Variants in ENTPD1 observed in about 807,000 individuals in gnomAD.
ENTPD1 encodes the protein ectonucleoside triphosphate diphosphohydrolase 1, also known as ATP diphosphohydrolase.
In ENTPD1, 33 loss-of-function variants were observed where a neutral mutation model predicts 57.0. That is an observed-to-expected ratio of 0.58 (90% CI 0.44 to 0.77). The LOEUF is 0.77. Ranked by LOEUF, ENTPD1 falls within the 30% of genes least tolerant of loss-of-function variation. The probability of loss-of-function intolerance (pLI) is 0.00; values close to 1 mark genes in which losing one functional copy is unlikely to be tolerated. For missense variants in ENTPD1, 501 were observed against 603.4 expected, an observed-to-expected ratio of 0.83 and a Z score of 1.78; for synonymous variants, 202 against 218.8, an observed-to-expected ratio of 0.92 and a Z score of 0.68.
chr10:95,844,965 TTC>T, intron 5 of ENTPD1: 2 of 460,588 alleles, frequency 4.3e-6, no homozygotes, highest in Non-Finnish European at 8.0e-6. Context: ...TTTTCATGTT[TTC>T]TCTGATTTTA....
At chr10:95,860,041 C>CA (rs1461838148) in intron 7 of ENTPD1, among the ~76,000 whole-genome samples, 1 of 151,774 alleles carries the variant, frequency 6.6e-6, no homozygotes, top group African/African-American at 2.4e-5. Context: ...AGAAAATAGG[C>CA]AAAAAATAAG....
At chr10:95,748,084 C>A (rs181771395) in intron 1 of ENTPD1, among the ~76,000 whole-genome samples, 16 of 152,054 alleles carry the variant, frequency 1.1e-4, no homozygotes, top group African/African-American at 1.7e-4. Flanking sequence ...TGTGTTAGCC[C>A]GGGTGGCCTT....
At position 95,871,318 on chromosome 10, in the gene ENTPD1, C is replaced by T. The variant is rs1015768138; in HGVS notation, c.*4935C>T. 1 of 985,170 alleles carries T rather than the reference C, an allele frequency of 1.0e-6. No homozygotes were observed. The highest frequency in any genetic ancestry group is 6.1e-5 in the Admixed American group (1 of 16,276). 61.0% of individuals were successfully genotyped at this position (985,170 alleles called of 1,614,324 possible). On this transcript the variant is annotated 3_prime_UTR_variant, in exon 10 of 10. Coordinates refer to ENST00000371205, the MANE Select transcript of ENTPD1 (RefSeq NM_001776.6). ...GTTTATCTCACCAAAGAAATATTAT[C>T]TTTAAAAAATGTCATTACTTCTAAG...
chr10:95,869,803 A>T lies in ENTPD1; in HGVS notation c.*3420A>T. The T allele has an allele frequency of 8.5e-6, 6 of 704,422 alleles. No individual in the cohort carries two copies. The highest frequency in any genetic ancestry group is 1.0e-5 in the Non-Finnish European group (6 of 573,610). 43.6% of individuals were successfully genotyped at this position (704,422 alleles called of 1,614,324 possible). ...AGAAAGCAACTAAATCCAAAATACT[A>T]TCAAGGAATCAATATAAAAATTGTT... is the stretch of plus-strand genomic sequence containing the variant. On this transcript the variant is annotated 3_prime_UTR_variant, in exon 10 of 10. Coordinates refer to ENST00000371205, the MANE Select transcript of ENTPD1 (RefSeq NM_001776.6).
At chr10:95,698,672 A>G in the ENTPD1 span, among the ~76,000 whole-genome samples, 2 of 152,202 alleles carry the variant, frequency 1.3e-5, no homozygotes, top group East Asian at 3.8e-4. Context: ...GGGCCACCTC[A>G]AGGGAGTCCC....
In ENTPD1 at chr10:95,866,257, C is replaced by G; in HGVS notation, c.1407C>G (p.Ser469=). 2.5e-6 allele frequency: 4 copies of G among 1,614,174 alleles called. No individual in the cohort carries two copies. In the South Asian group the frequency reaches 4.4e-5, roughly 18 times the overall value. Residue 469 remains serine (S), a synonymous_variant, in exon 10 of 10, where the codon TCC becomes TCG. Coordinates refer to ENST00000371205, the MANE Select transcript of ENTPD1 (RefSeq NM_001776.6). ...TNMIPAEQPL[S]TPLSHSTYVF... ...TGATCCCAGCTGAGCAACCATTGTC[C>G]ACACCTCTCTCCCACTCCACCTATG...
rs2098059406 is a variant in ENTPD1, at chr10:95,761,058, C to T, written c.16+4803C>T. Among the ~76,000 whole-genome samples, 3 of 151,988 alleles carry T rather than the reference C, an allele frequency of 2.0e-5. No homozygotes were observed. In the South Asian group the frequency reaches 6.2e-4, roughly 32 times the overall value. ...TGTTAGCCAGGATGGTCTCGATCTCCTGACCTCATGATCCGCCCGTCTCGG... is the reference window on the plus strand; with the variant it reads ...TGTTAGCCAGGATGGTCTCGATCTCTTGACCTCATGATCCGCCCGTCTCGG... On this transcript the variant is annotated intron_variant, in intron 1 of 9. Transcript: ENST00000371205.
At chr10:95,696,464 G>C in the ENTPD1 span, among the ~76,000 whole-genome samples, 1 of 152,122 alleles carries the variant, frequency 6.6e-6, no homozygotes, top group Non-Finnish European at 1.5e-5. Context: ...ATTTGTAGTA[G>C]AGACGGAGTT....
Position 95,713,033 on chromosome 10 carries a change from T to TTAAAA in ENTPD1, c.37+1040_37+1041insTAAAA, listed in dbSNP as rs1555272408. Among the ~76,000 whole-genome samples, 152 of 143,034 alleles carry TTAAAA rather than the reference T, an allele frequency of 1.1e-3. 9 individuals are homozygous for TTAAAA. The highest frequency in any genetic ancestry group is 1.7e-3 in the Non-Finnish European group (111 of 66,126). The allele number at this position is 143,034 out of a possible 152,430, so 93.8% of individuals were successfully genotyped here. A position where few individuals can be genotyped will look rare whatever the true frequency, so the allele number is the denominator to read the frequency against. On this transcript the variant is annotated intron_variant, in intron 1 of 9. Transcript: ENST00000453258. Reference sequence around the variant, plus strand: ...TGGGCGACAGAGCGAGATTCTGTCTTAAAAAAAAAAAAAAAAAAATAGGCT... The same window carrying TTAAAA: ...TGGGCGACAGAGCGAGATTCTGTCTTTAAAAAAAAAAAAAAAAAAAAAAATAGGCT...
chr10:95,742,359 T>G (rs950274633), intron 1 of ENTPD1, among the ~76,000 whole-genome samples: 2 of 152,042 alleles, frequency 1.3e-5, no homozygotes, highest in African/African-American at 4.8e-5. Flanking sequence ...CTAGGCCTTT[T>G]CCTTCCTTTT....
intron 1 of ENTPD1, among the ~76,000 whole-genome samples, chr10:95,720,854 C>A (rs931390677): frequency 2.8e-4 from 43 of 152,170 alleles, no homozygotes; most frequent in Non-Finnish European, 1.5e-4. Context: ...ATTTGCTCAG[C>A]CTTTCTGTGT....
At chr10:95,764,652 T>C (rs558661289) in intron 1 of ENTPD1, among the ~76,000 whole-genome samples, 1 of 152,276 alleles carries the variant, frequency 6.6e-6, no homozygotes, top group Non-Finnish European at 1.5e-5. Flanking sequence ...TTTGAAAATC[T>C]ATTCATGTGT....
intron 1 of ENTPD1, among the ~76,000 whole-genome samples, chr10:95,806,924 C>G (rs1350219967): frequency 6.6e-6 from 1 of 152,202 alleles, no homozygotes; most frequent in Non-Finnish European, 1.5e-5. Context: ...TGTCTGCTGG[C>G]CCCTACTGGG....
intron 7 of ENTPD1, among the ~76,000 whole-genome samples, chr10:95,850,701 C>T (rs891801427): frequency 6.6e-6 from 1 of 152,166 alleles, no homozygotes; most frequent in Non-Finnish European, 1.5e-5. Flanking sequence ...AGCGGGCATA[C>T]CCCAGCACCA....
chr10:95,799,713 A>G (rs2098240838), intron 1 of ENTPD1, among the ~76,000 whole-genome samples: 1 of 152,188 alleles, frequency 6.6e-6, no homozygotes, highest in Admixed American at 6.5e-5. Context: ...GAATCACTGC[A>G]CTGTCTTCCA....
rs754880507 is a variant in ENTPD1, at chr10:95,770,228, T to TGA, written c.16+13989_16+13990dup. Among the ~76,000 whole-genome samples the TGA allele has an allele frequency of 1.4e-3, 149 of 106,272 alleles. 1 individual carries two copies. The highest frequency in any genetic ancestry group is 4.1e-3 in the African/African-American group (118 of 28,582). The allele number at this position is 106,272 out of a possible 152,430, so 69.7% of individuals were successfully genotyped here. ...AGGAAGAGAAACCGTCCAAGAAGAT[T>TGA]GAGAGAGAGAGAGAGAGTGAGTGAG... On this transcript the variant is annotated intron_variant, in intron 1 of 9. Transcript: ENST00000371205.
At chr10:95,777,286 T>C (rs578029910) in intron 1 of ENTPD1, among the ~76,000 whole-genome samples, 1 of 152,350 alleles carries the variant, frequency 6.6e-6, no homozygotes, top group Non-Finnish European at 1.5e-5. Context: ...CCTTTGGTCT[T>C]TGATGTTGGT....
intron 1 of ENTPD1, among the ~76,000 whole-genome samples, chr10:95,788,100 A>G (rs1447249011): frequency 6.6e-6 from 1 of 152,226 alleles, no homozygotes; most frequent in East Asian, 1.9e-4. Context: ...TTTAATTCAA[A>G]AGAAAGATAT....
At position 95,864,739 on chromosome 10, in the gene ENTPD1, G is replaced by A. The variant is rs781443401; in HGVS notation, c.1204G>A (p.Ala402Thr). The change falls in exon 9 of 10, where the codon GCT becomes ACT. Residue 402 changes from alanine to threonine, a missense_variant. Transcript: ENST00000371205. ...TCACTTCTAGATAAAAACATCTTAC[G>A]CTGGAGTAAAGGAGAAGTACCTGAG... ...QPWEEIKTSY[A>T]GVKEKYLSEY... The A allele has an allele frequency of 5.6e-6, 9 of 1,613,940 alleles. No individual in the cohort carries two copies. The East Asian group carries it at 6.7e-5, about 12-fold the overall frequency.
Sources: allele counts gnomAD v4.1 joint callset (sites outside exome capture counted in the v4.1 genomes callset), GRCh38; gene constraint gnomAD v4.1.1; transcripts MANE v1.5; gene names NCBI Gene and HGNC (gene_info 2026-07-23, HGNC 2026-07-21).